The following PIN4 variants were observed in gnomAD, a reference collection of about 807,000 sequenced individuals.
The protein encoded by PIN4 is peptidylprolyl cis/trans isomerase, NIMA-interacting 4, also known as peptidyl-prolyl cis-trans isomerase NIMA-interacting 4.
PIN4 carries 3 observed loss-of-function variants against 8.3 expected under a neutral mutation model. That is an observed-to-expected ratio of 0.36 (90% confidence interval 0.16 to 0.93). The LOEUF (loss-of-function observed/expected upper bound fraction) is 0.93. PIN4 is among the 40% of genes least tolerant of loss of function. The probability of loss-of-function intolerance (pLI) is 0.44; values close to 1 mark genes in which losing one functional copy is unlikely to be tolerated. For missense variants in PIN4, 75 were observed against 100.6 expected (o/e 0.75, Z 1.09); for synonymous variants, 18 against 32.5 (o/e 0.55, Z 1.52).
intron 1 of PIN4, among the ~76,000 whole-genome samples, chrX:72,182,176 C>T (rs943098498): frequency 2.7e-5 from 3 of 112,578 alleles, no homozygotes; most frequent in Non-Finnish European, 5.6e-5. Context: ...ACATGCCCAC[C>T]ATCGGGGAAG....
intron 3 of PIN4, among the ~76,000 whole-genome samples, chrX:72,215,295 G>A (rs970482178): frequency 4.5e-5 from 5 of 111,860 alleles, no homozygotes; most frequent in Non-Finnish European, 9.4e-5. Flanking sequence ...TATCCTGATA[G>A]GGGTTTGGGT....
At chrX:72,222,598 T>C (rs866862076) in intron 3 of PIN4, among the ~76,000 whole-genome samples, 11,508 of 99,624 alleles carry the variant, frequency 0.12, 900 homozygotes, top group East Asian at 0.48. Context: ...ATCCAGCCTT[T>C]TTTTTTTTTT....
chrX:72,262,652 C>A, intron 3 of PIN4: 1 of 827,035 alleles, frequency 1.2e-6, no homozygotes, highest in Non-Finnish European at 1.7e-6. Context: ...ACAGCATTAT[C>A]TCTAGCAATC....
chrX:72,195,204 G>A (rs2042758200), intron 2 of PIN4, among the ~76,000 whole-genome samples: 1 of 112,090 alleles, frequency 8.9e-6, no homozygotes, highest in African/African-American at 3.3e-5. Flanking sequence ...GGATAATAGT[G>A]TTTTTTTAAA....
chrX:72,230,048 G>A (rs1042929707), intron 3 of PIN4, among the ~76,000 whole-genome samples: 3 of 109,793 alleles, frequency 2.7e-5, no homozygotes, highest in Non-Finnish European at 5.7e-5. Context: ...GGTGGTGGGC[G>A]CCTGTAGTCC....
At chrX:72,247,691 C>T (rs1051489965) in intron 3 of PIN4, among the ~76,000 whole-genome samples, 1 of 112,739 alleles carries the variant, frequency 8.9e-6, no homozygotes, top group African/African-American at 3.2e-5. Flanking sequence ...AGTTTTTCTA[C>T]AGCCCTTCAA....
intron 3 of PIN4, among the ~76,000 whole-genome samples, chrX:72,259,047 A>G (rs1569493550): frequency 9.0e-6 from 1 of 111,099 alleles, no homozygotes; most frequent in Non-Finnish European, 1.9e-5. Context: ...TGAAATCTCA[A>G]TTATCATATT....
intron 3 of PIN4, among the ~76,000 whole-genome samples, chrX:72,260,046 C>T (rs2043131810): frequency 9.0e-6 from 1 of 111,037 alleles, no homozygotes; most frequent in South Asian, 3.8e-4. Flanking sequence ...GCCCAGAGGC[C>T]ATATCCTTAA....
At chrX:72,216,732 A>T (rs1388344300) in intron 3 of PIN4, among the ~76,000 whole-genome samples, 2 of 111,158 alleles carry the variant, frequency 1.8e-5, no homozygotes, top group African/African-American at 6.5e-5. Flanking sequence ...AGCTGGAGGT[A>T]CTAAAGGTCT....
At chrX:72,203,836 A>C (rs1321954213) in intron 3 of PIN4, among the ~76,000 whole-genome samples, 3 of 111,967 alleles carry the variant, frequency 2.7e-5, no homozygotes, top group Non-Finnish European at 3.8e-5. Flanking sequence ...ATAGTACGTC[A>C]TCAAGGATAG....
chrX:72,260,635 G>A (rs756211378), intron 3 of PIN4, among the ~76,000 whole-genome samples: 75 of 111,719 alleles, frequency 6.7e-4, no homozygotes, highest in Non-Finnish European at 1.3e-3. Context: ...TATGTACCTC[G>A]CCCTCTACCT....
chrX:72,182,693 G>A (rs2042680287), intron 1 of PIN4, among the ~76,000 whole-genome samples: 1 of 111,655 alleles, frequency 9.0e-6, no homozygotes. Context: ...CATTTAGCTG[G>A]GGAACAGGGA....
In PIN4 at chrX:72,196,875, C is replaced by G. The variant is rs772719143; in HGVS notation, c.208C>G (p.Gln70Glu). The G allele has an allele frequency of 2.5e-6, 3 of 1,202,435 alleles. No homozygotes were observed. Among genetic ancestry groups the G allele is most frequent in the Non-Finnish European group, 3.4e-6 (3 of 890,622 alleles). Reference protein sequence around the residue: ...SGMRFNEVAAQYSEDKARQGG... With the variant: ...SGMRFNEVAAEYSEDKARQGG... Reference sequence around the variant, plus strand: ...GATGAGATTCAATGAAGTGGCCGCACAGTATAGTGAAGATAAAGCCAGGCA... The same window carrying G: ...GATGAGATTCAATGAAGTGGCCGCAGAGTATAGTGAAGATAAAGCCAGGCA... Residue 70 changes from glutamine (Q) to glutamate (E), a missense_variant, in exon 3 of 4, where the codon CAG becomes GAG. Physicochemically the swap from Gln to Glu is conservative, Grantham distance 29. Coordinates refer to ENST00000373669, the MANE Select transcript of PIN4 (RefSeq NM_006223.4).
chrX:72,222,446 G>GACT (rs1308099199), intron 3 of PIN4, among the ~76,000 whole-genome samples: 1 of 111,463 alleles, frequency 9.0e-6, no homozygotes, highest in Non-Finnish European at 1.9e-5. Flanking sequence ...TAGAGACACA[G>GACT]ACTGGACTTA....
At chrX:72,201,306 G>A (rs1284107838), downstream of PIN4, among the ~76,000 whole-genome samples, 3 of 112,595 alleles carry the variant, frequency 2.7e-5, no homozygotes, top group Non-Finnish European at 3.8e-5. Flanking sequence ...TTTAAATTGT[G>A]GCTGGGCACA....
At chrX:72,216,026 C>T (rs1041156775) in intron 3 of PIN4, among the ~76,000 whole-genome samples, 6 of 110,514 alleles carry the variant, frequency 5.4e-5, no homozygotes, top group Admixed American at 1.9e-4. Context: ...ATTTTATCCA[C>T]GGGAGTGCCC....
At chrX:72,262,250 G>C (rs747242397) in intron 3 of PIN4, among the ~76,000 whole-genome samples, 1 of 112,363 alleles carries the variant, frequency 8.9e-6, no homozygotes, top group East Asian at 2.8e-4. Context: ...GTTGTGGTTC[G>C]ATAAATGTTT....
chrX:72,221,402 T>C (rs2042922305), intron 3 of PIN4, among the ~76,000 whole-genome samples: 1 of 111,444 alleles, frequency 9.0e-6, no homozygotes, highest in African/African-American at 3.3e-5. Context: ...AGTTTTCATC[T>C]CAGCTTGACC....
At chrX:72,214,779 G>C (rs1437058948) in intron 3 of PIN4, among the ~76,000 whole-genome samples, 1 of 111,321 alleles carries the variant, frequency 9.0e-6, no homozygotes, top group Non-Finnish European at 1.9e-5. Flanking sequence ...TTGAGGTCAG[G>C]AGTTCGAGAT....
Sources: allele counts gnomAD v4.1 joint callset (sites outside exome capture counted in the v4.1 genomes callset), GRCh38; gene constraint gnomAD v4.1.1; transcripts MANE v1.5; gene names NCBI Gene and HGNC (gene_info 2026-07-23, HGNC 2026-07-21).